Variants in NXPH1 observed in about 807,000 individuals in gnomAD.
The protein encoded by NXPH1 is neurexophilin-1.
Under a neutral mutation model 23.7 loss-of-function variants are expected in NXPH1, and 5 were observed. That is an observed-to-expected ratio of 0.21 (90% CI 0.11 to 0.44). The LOEUF (loss-of-function observed/expected upper bound fraction) is 0.44, where lower values mean the gene tolerates loss of function less well. NXPH1 is among the 20% of genes least tolerant of loss of function. The probability of loss-of-function intolerance (pLI) is 0.99; values close to 1 mark genes in which losing one functional copy is unlikely to be tolerated. For missense variants in NXPH1, 324 were observed against 321.6 expected, an observed-to-expected ratio of 1.01 and a Z score of -0.06; for synonymous variants, 144 against 122.2, an observed-to-expected ratio of 1.18 and a Z score of -1.18.
At chr7:8,469,985 T>A (rs1397930478) in intron 2 of NXPH1, among the ~76,000 whole-genome samples, 7 of 152,186 alleles carry the variant, frequency 4.6e-5, no homozygotes, top group Non-Finnish European at 8.8e-5. Context: ...GTCCCTCTCA[T>A]TCTACTAAAC....
intron 2 of NXPH1, among the ~76,000 whole-genome samples, chr7:8,709,004 C>G (rs12536363): frequency 0.079 from 12,004 of 152,128 alleles, 731 homozygotes; most frequent in East Asian, 0.17. Flanking sequence ...ACACCATGAC[C>G]AAATAGTGTC....
At chr7:8,670,875 A>G (rs1431184656) in intron 2 of NXPH1, among the ~76,000 whole-genome samples, 2 of 152,168 alleles carry the variant, frequency 1.3e-5, no homozygotes, top group African/African-American at 2.4e-5. Context: ...CCCCTCTGAT[A>G]CTGCTTTCTA....
At chr7:8,598,977 T>C (rs1203660440) in intron 2 of NXPH1, among the ~76,000 whole-genome samples, 3 of 152,168 alleles carry the variant, frequency 2.0e-5, no homozygotes, top group Admixed American at 2.0e-4. Context: ...ATCCAAACTT[T>C]TATGCATAAG....
chr7:8,731,246 A>AT (rs976921098), intron 2 of NXPH1, among the ~76,000 whole-genome samples: 2 of 151,632 alleles, frequency 1.3e-5, no homozygotes, highest in African/African-American at 4.8e-5. Context: ...ATTCTTCTAA[A>AT]TTTTTTTCGA....
intron 2 of NXPH1, among the ~76,000 whole-genome samples, chr7:8,553,385 A>G (rs1429774968): frequency 6.6e-6 from 1 of 150,766 alleles, no homozygotes; most frequent in East Asian, 2.0e-4. Context: ...ACATGAAACA[A>G]TCTAATAATT....
chr7:8,441,828 C>A (rs746041211), intron 2 of NXPH1, among the ~76,000 whole-genome samples: 1 of 152,020 alleles, frequency 6.6e-6, no homozygotes, highest in Non-Finnish European at 1.5e-5. Context: ...TTCTGATGAG[C>A]GCGCTGCGTT....
At chr7:8,478,070 T>G (rs1428651064) in intron 2 of NXPH1, among the ~76,000 whole-genome samples, 1 of 152,120 alleles carries the variant, frequency 6.6e-6, no homozygotes, top group Non-Finnish European at 1.5e-5. Context: ...GATGAATGCA[T>G]GATGACAAGG....
At chr7:8,541,560 A>G (rs1563340484) in intron 2 of NXPH1, among the ~76,000 whole-genome samples, 1 of 151,668 alleles carries the variant, frequency 6.6e-6, no homozygotes, top group Non-Finnish European at 1.5e-5. Context: ...AGTGATAAAT[A>G]TAAAGAGGGA....
chr7:8,565,366 A>G lies in NXPH1; in HGVS notation c.54+129599A>G, dbSNP rs144850249. ...CAATGCAGGATCTTAGTATTTTTAAAGCCAAATAAAGCAAGGAAGACATAA... is the reference window on the plus strand; with the variant it reads ...CAATGCAGGATCTTAGTATTTTTAAGGCCAAATAAAGCAAGGAAGACATAA... On this transcript the variant is annotated intron_variant, in intron 2 of 2. Transcript: ENST00000405863. 5.3e-4 allele frequency among the ~76,000 whole-genome samples: 81 copies of G among 151,960 alleles called. 3 individuals carry two copies. In the East Asian group the frequency reaches 0.016, roughly 30 times the overall value.
chr7:8,544,867 G>A (rs567516267), intron 2 of NXPH1, among the ~76,000 whole-genome samples: 10 of 151,660 alleles, frequency 6.6e-5, no homozygotes, highest in Non-Finnish European at 1.2e-4. Flanking sequence ...AATACATATA[G>A]TGCTTTGTTA....
chr7:8,496,760 A>T (rs1258125832), intron 2 of NXPH1, among the ~76,000 whole-genome samples: 1 of 152,114 alleles, frequency 6.6e-6, no homozygotes, highest in African/African-American at 2.4e-5. Context: ...CAATGTCTCA[A>T]TGTCTCACAA....
At chr7:8,693,915 A>G (rs1013332333) in intron 2 of NXPH1, among the ~76,000 whole-genome samples, 1 of 152,220 alleles carries the variant, frequency 6.6e-6, no homozygotes, top group Non-Finnish European at 1.5e-5. Context: ...ACAACAAATT[A>G]TGTCATCACC....
At chr7:8,584,549 C>G (rs1818944164) in intron 2 of NXPH1, among the ~76,000 whole-genome samples, 1 of 152,090 alleles carries the variant, frequency 6.6e-6, no homozygotes, top group African/African-American at 2.4e-5. Flanking sequence ...GAGACAAATA[C>G]ACACTCAGAG....
intron 2 of NXPH1, among the ~76,000 whole-genome samples, chr7:8,482,595 G>T (rs1300006339): frequency 1.3e-5 from 2 of 152,134 alleles, no homozygotes; most frequent in Non-Finnish European, 2.9e-5. Flanking sequence ...TTTTAAATCA[G>T]GGGTGGAGAA....
At chr7:8,448,600 T>G (rs1816446624) in intron 2 of NXPH1, among the ~76,000 whole-genome samples, 1 of 152,144 alleles carries the variant, frequency 6.6e-6, no homozygotes, top group African/African-American at 2.4e-5. Flanking sequence ...GCGGATTGCT[T>G]GAGCTCAGGA....
chr7:8,466,763 T>A (rs1816793186), intron 2 of NXPH1, among the ~76,000 whole-genome samples: 1 of 152,174 alleles, frequency 6.6e-6, no homozygotes, highest in African/African-American at 2.4e-5. Flanking sequence ...TAGTCTTTCG[T>A]TCCCTTGTCT....
chr7:8,691,720 G>A (rs556479651), intron 2 of NXPH1, among the ~76,000 whole-genome samples: 98 of 152,240 alleles, frequency 6.4e-4, no homozygotes, highest in African/African-American at 2.3e-3. Context: ...GTTATCACCA[G>A]ATGTTCCAGG....
chr7:8,664,481 A>T (rs182015255), intron 2 of NXPH1, among the ~76,000 whole-genome samples: 2 of 152,200 alleles, frequency 1.3e-5, no homozygotes, highest in East Asian at 1.9e-4. Flanking sequence ...TTTAAAAGTG[A>T]TATCTATTTA....
chr7:8,574,687 G>C (rs113198102), intron 2 of NXPH1, among the ~76,000 whole-genome samples: 1 of 152,094 alleles, frequency 6.6e-6, no homozygotes, highest in East Asian at 1.9e-4. Flanking sequence ...AAACATTGAA[G>C]GTTCTGTGTT....
Sources: gnomAD v4.1 joint callset for allele counts (sites outside exome capture counted in the v4.1 genomes callset) on GRCh38, gnomAD v4.1.1 for gene constraint, MANE v1.5 for transcripts, NCBI Gene and HGNC (gene_info 2026-07-23, HGNC 2026-07-21) for gene names.